The following CCDC85A variants were observed in gnomAD, a reference collection of about 807,000 sequenced individuals.
CCDC85A encodes the protein coiled-coil domain-containing protein 85A.
Under a neutral mutation model 50.2 loss-of-function variants are expected in CCDC85A, and 38 were observed. The observed-to-expected ratio is 0.76, with a 90% CI of 0.58 to 0.99. CCDC85A has a LOEUF of 0.99. Among genes scored for constraint, CCDC85A ranks in the 50% least tolerant of loss-of-function variants. The pLI is 0.00. For synonymous variants in CCDC85A, 366 were observed against 301.4 expected (o/e 1.21, Z -2.22); for missense variants, 820 against 742.0 (o/e 1.11, Z -1.22).
chr2:56,197,226 A>G lies in CCDC85A; in HGVS notation c.1240+3786A>G, dbSNP rs150073970. 1.0e-3 allele frequency among the ~76,000 whole-genome samples: 157 copies of G among 152,250 alleles called. 1 individual carries two copies. The highest frequency in any genetic ancestry group is 3.6e-3 in the African/African-American group (150 of 41,550). ...ACGGTTTCTTTACAGCTACACTGTT[A>G]TTATTTTGGACCAGATAATTCTTTG... On this transcript the variant is annotated intron_variant, in intron 2 of 5. Coordinates refer to ENST00000407595, the MANE Select transcript of CCDC85A (RefSeq NM_001080433.2).
chr2:56,277,168 T>C (rs776248401), intron 2 of CCDC85A, among the ~76,000 whole-genome samples: 3 of 152,164 alleles, frequency 2.0e-5, no homozygotes, highest in South Asian at 2.1e-4. Flanking sequence ...GGGTACCAAG[T>C]TGCCAACTTC....
chr2:56,276,426 A>G (rs1670946728), intron 2 of CCDC85A, among the ~76,000 whole-genome samples: 1 of 152,048 alleles, frequency 6.6e-6, no homozygotes, highest in Non-Finnish European at 1.5e-5. Flanking sequence ...AACTCCTGAA[A>G]TTCCCACGTG....
intron 2 of CCDC85A, among the ~76,000 whole-genome samples, chr2:56,244,105 T>C (rs929263628): frequency 1.3e-5 from 2 of 152,164 alleles, no homozygotes; most frequent in Non-Finnish European, 2.9e-5. Flanking sequence ...ACACTAGGGC[T>C]CTACAATCAG....
intron 2 of CCDC85A, among the ~76,000 whole-genome samples, chr2:56,306,488 C>T (rs140863108): frequency 2.2e-4 from 33 of 152,218 alleles, no homozygotes; most frequent in African/African-American, 7.7e-4. Context: ...TAGAAATATT[C>T]AAATTTTAAC....
At chr2:56,337,870 C>T (rs530599767) in intron 2 of CCDC85A, among the ~76,000 whole-genome samples, 68 of 151,908 alleles carry the variant, frequency 4.5e-4, no homozygotes, top group African/African-American at 1.6e-3. Context: ...CTGCAACCTC[C>T]GCCTCCCGGG....
chr2:56,359,393 G>C (rs2104364845), intron 3 of CCDC85A, among the ~76,000 whole-genome samples: 1 of 152,288 alleles, frequency 6.6e-6, no homozygotes, highest in East Asian at 1.9e-4. Flanking sequence ...CGTCGAATAG[G>C]AAATTTGTAC....
In CCDC85A at chr2:56,342,953, C is replaced by T; in HGVS notation, c.1315C>T (p.Gln439Ter). The T allele has an allele frequency of 6.3e-7, 1 of 1,588,590 alleles. No homozygotes were observed. Among genetic ancestry groups the T allele is most frequent in the Non-Finnish European group, 8.6e-7 (1 of 1,166,120 alleles). Reference sequence around the variant, plus strand: ...GGAGGAAGAAAATCGCATGCTGCCCCAGGTGGGTGACTTCCAGAAGCTCAT... The same window carrying T: ...GGAGGAAGAAAATCGCATGCTGCCCTAGGTGGGTGACTTCCAGAAGCTCAT... ...QLEEENRMLPQASQNRRQPPT... is the reference protein window; with the variant it reads ...QLEEENRMLP The change falls in exon 3 of 6, where the codon CAG becomes TAG. Residue 439 changes from glutamine (Q) to a stop codon, truncating the protein, a stop_gained and splice_region_variant. Coordinates refer to ENST00000407595, the MANE Select transcript of CCDC85A (RefSeq NM_001080433.2). LOFTEE classifies it high-confidence loss of function.
At chr2:56,295,718 C>G (rs1395958017) in intron 2 of CCDC85A, among the ~76,000 whole-genome samples, 1 of 152,130 alleles carries the variant, frequency 6.6e-6, no homozygotes, top group East Asian at 1.9e-4. Context: ...GACTTCTTCT[C>G]TTGAGTGTTA....
intron 2 of CCDC85A, among the ~76,000 whole-genome samples, chr2:56,329,762 G>T (rs1359226679): frequency 6.6e-6 from 1 of 151,954 alleles, no homozygotes. Context: ...AATTAATGAT[G>T]CTTTGCTGTA....
At chr2:56,239,734 T>A (rs1193702989) in intron 2 of CCDC85A, among the ~76,000 whole-genome samples, 1 of 152,176 alleles carries the variant, frequency 6.6e-6, no homozygotes, top group African/African-American at 2.4e-5. Flanking sequence ...AAAAGGCATG[T>A]TCTGCCCTCA....
chr2:56,356,497 G>C (rs1277150368), intron 3 of CCDC85A, among the ~76,000 whole-genome samples: 1 of 152,154 alleles, frequency 6.6e-6, no homozygotes, highest in African/African-American at 2.4e-5. Context: ...GCTGTGATAG[G>C]CTGAGCCAGG....
chr2:56,254,441 A>C (rs1220709559), intron 2 of CCDC85A, among the ~76,000 whole-genome samples: 1 of 152,226 alleles, frequency 6.6e-6, no homozygotes, highest in African/African-American at 2.4e-5. Context: ...CATGTATGAT[A>C]ATGCCATATT....
At position 56,184,261 on chromosome 2, in the gene CCDC85A, T is replaced by G; in HGVS notation, c.-364T>G. The stretch of plus-strand genomic sequence containing the variant: ...AGTGCGGGGGGCGACAGTCTCGGCT[T>G]AGGGCGGAGGAGAGGGCAGGGGAAC... On this transcript the variant is annotated 5_prime_UTR_variant, in exon 1 of 6. Transcript: ENST00000407595. 3 of 911,482 alleles carry G rather than the reference T, an allele frequency of 3.3e-6. No individual in the cohort carries two copies. Among genetic ancestry groups the G allele is most frequent in the Non-Finnish European group, 4.0e-6 (3 of 750,054 alleles). The allele number at this position is 911,482 out of a possible 1,614,324, so 56.5% of individuals were successfully genotyped here. A position where few individuals can be genotyped will look rare whatever the true frequency, so the allele number is the denominator to read the frequency against.
rs973835478 is a variant in CCDC85A, at chr2:56,192,343, C to T, written c.277-134C>T. 8.8e-6 allele frequency: 11 copies of T among 1,253,338 alleles called. No homozygotes were observed. The highest frequency in any genetic ancestry group is 1.1e-5 in the Non-Finnish European group (10 of 910,812). The allele number at this position is 1,253,338 out of a possible 1,614,324, so 77.6% of individuals were successfully genotyped here. A position where few individuals can be genotyped will look rare whatever the true frequency, so the allele number is the denominator to read the frequency against. On this transcript the variant is annotated intron_variant, in intron 1 of 5. Transcript: ENST00000407595. The surrounding 1 kb of genome is among the most constrained non-coding windows in gnomAD (Gnocchi z 4.7). ...ATGGACAGCTACAAATCTTCAGCTT[C>T]CTCCTACTCCCTCACCTCCTCCCCT...
intron 2 of CCDC85A, among the ~76,000 whole-genome samples, chr2:56,301,325 G>A (rs1202557991): frequency 6.6e-6 from 1 of 152,074 alleles, no homozygotes; most frequent in East Asian, 1.9e-4. Flanking sequence ...TCATAAGATG[G>A]ATTTGTGGTA....
At chr2:56,363,532 T>G (rs1278918983) in intron 3 of CCDC85A, among the ~76,000 whole-genome samples, 1 of 152,182 alleles carries the variant, frequency 6.6e-6, no homozygotes, top group Non-Finnish European at 1.5e-5. Context: ...TATTGACCTC[T>G]CTCTTGTCTT....
chr2:56,229,478 C>T (rs916946031), intron 2 of CCDC85A, among the ~76,000 whole-genome samples: 1 of 152,050 alleles, frequency 6.6e-6, no homozygotes, highest in Non-Finnish European at 1.5e-5. Flanking sequence ...CCATTTTAGA[C>T]CTTAGTTCTT....
intron 2 of CCDC85A, among the ~76,000 whole-genome samples, chr2:56,322,099 G>A (rs1218149777): frequency 6.6e-6 from 1 of 152,150 alleles, no homozygotes; most frequent in Non-Finnish European, 1.5e-5. Context: ...TACGTAGAAA[G>A]CTGAAACTGG....
chr2:56,184,966 G>C, intron 1 of CCDC85A, 66 bp downstream of exon 1: 1 of 1,428,026 alleles, frequency 7.0e-7, no homozygotes, highest in South Asian at 1.5e-5. Flanking sequence ...GAGGAGGCGG[G>C]GCCAGGCAAA....
Sources: gnomAD v4.1 joint callset for allele counts (sites outside exome capture counted in the v4.1 genomes callset) on GRCh38, gnomAD v4.1.1 for gene constraint, Gnocchi (gnomAD v3.1) non-coding constraint, MANE v1.5 for transcripts, NCBI Gene and HGNC (gene_info 2026-07-23, HGNC 2026-07-21) for gene names.